Variants in TMCC1 observed in about 807,000 individuals in gnomAD.
The protein encoded by TMCC1 is transmembrane and coiled-coil domains protein 1.
A neutral mutation model predicts 52.4 loss-of-function variants in TMCC1; 15 were observed. The ratio of observed to expected loss-of-function variants is 0.29; its 90% CI spans 0.19 to 0.44. The LOEUF (loss-of-function observed/expected upper bound fraction) is 0.44, where lower values mean the gene tolerates loss of function less well. Among genes scored for constraint, TMCC1 ranks in the 20% least tolerant of loss-of-function variants. The pLI is 1.00. For missense variants in TMCC1, 503 were observed against 806.0 expected (o/e 0.62, Z 4.55); for synonymous variants, 279 against 301.9 (o/e 0.92, Z 0.79).
At chr3:129,662,230 CACTT>C (rs774325012) in intron 5 of TMCC1, among the ~76,000 whole-genome samples, 6 of 152,082 alleles carry the variant, frequency 3.9e-5, no homozygotes, top group Non-Finnish European at 7.3e-5. Context: ...AGTCATGCCT[CACTT>C]AATGATGGGG....
chr3:129,866,968 G>A (rs2060678530), intron 2 of TMCC1: 1 of 152,076 alleles, frequency 6.6e-6, no homozygotes, highest in African/African-American at 2.4e-5. Context: ...TTTTATAAAT[G>A]TTTATTCTCA....
intron 4 of TMCC1, among the ~76,000 whole-genome samples, chr3:129,739,338 T>C (rs1039692494): frequency 6.6e-5 from 10 of 152,236 alleles, no homozygotes; most frequent in Admixed American, 2.0e-4. Flanking sequence ...TGGCTAATTT[T>C]TGTATTTTCA....
At chr3:129,657,305 T>C (rs142552813) in intron 5 of TMCC1, among the ~76,000 whole-genome samples, 38 of 152,298 alleles carry the variant, frequency 2.5e-4, no homozygotes, top group Non-Finnish European at 5.0e-4. Flanking sequence ...GGCTCATACA[T>C]ACCAGTAGAA....
rs767317828 is a variant in TMCC1, at chr3:129,649,967, G to A, written c.*1514C>T. 1 of 152,568 alleles carries A rather than the reference G, an allele frequency of 6.6e-6. No individual in the cohort carries two copies. The highest frequency in any genetic ancestry group is 6.5e-5 in the Admixed American group (1 of 15,278). 9.5% of individuals were successfully genotyped at this position (152,568 alleles called of 1,614,324 possible). On this transcript the variant is annotated 3_prime_UTR_variant, in exon 7 of 7. Transcript: ENST00000393238. ...ATAATTAGGTTAGGTTAACAAGTCC[G>A]TTTACATTATAGGAAGCTGGCAACA...
Position 129,774,379 on chromosome 3 carries a change from T to A in TMCC1, c.576+53424A>T, listed in dbSNP as rs560895707. Among the ~76,000 whole-genome samples, 3 of 152,362 alleles carry A rather than the reference T, an allele frequency of 2.0e-5. No homozygotes were observed. In the South Asian group the frequency reaches 6.2e-4, roughly 32 times the overall value. ...TAAATTATCATACCTAAAAAAATGC[T>A]ATGAATATTCTATTAATATACTACC... On this transcript the variant is annotated intron_variant, in intron 4 of 6. Transcript: ENST00000393238.
intron 4 of TMCC1, among the ~76,000 whole-genome samples, chr3:129,741,066 T>C (rs531980713): frequency 3.9e-5 from 6 of 152,154 alleles, no homozygotes; most frequent in Non-Finnish European, 7.4e-5. Flanking sequence ...ATTGCTAGTA[T>C]CCTATTCCCT....
At chr3:129,754,973 G>C (rs2052866675) in intron 4 of TMCC1, among the ~76,000 whole-genome samples, 1 of 152,076 alleles carries the variant, frequency 6.6e-6, no homozygotes, top group African/African-American at 2.4e-5. Flanking sequence ...AGCTACTCGG[G>C]AGGCTGAGGC....
chr3:129,813,532 A>C (rs976528079), intron 4 of TMCC1, among the ~76,000 whole-genome samples: 1 of 152,142 alleles, frequency 6.6e-6, no homozygotes, highest in African/African-American at 2.4e-5. Flanking sequence ...TATCCTACAC[A>C]AACTAACACA....
intron 5 of TMCC1, among the ~76,000 whole-genome samples, chr3:129,663,707 T>C (rs1407750526): frequency 6.6e-6 from 1 of 152,016 alleles, no homozygotes; most frequent in Non-Finnish European, 1.5e-5. Flanking sequence ...AGGAAATAAA[T>C]AAAAACTAGA....
intron 4 of TMCC1, among the ~76,000 whole-genome samples, chr3:129,818,364 T>C (rs2058213079): frequency 6.6e-6 from 1 of 151,916 alleles, no homozygotes; most frequent in Admixed American, 6.6e-5. Flanking sequence ...TAAAGAACAG[T>C]TTCAAAGAAA....
intron 2 of TMCC1, among the ~76,000 whole-genome samples, chr3:129,858,758 T>C (rs1025700908): frequency 6.6e-6 from 1 of 152,168 alleles, no homozygotes; most frequent in Admixed American, 6.6e-5. Context: ...TGCAAGCATG[T>C]AGGAAGATCA....
At chr3:129,780,464 G>A (rs1309022631) in intron 4 of TMCC1, among the ~76,000 whole-genome samples, 2 of 151,846 alleles carry the variant, frequency 1.3e-5, no homozygotes, top group African/African-American at 4.8e-5. Flanking sequence ...CCACCCATCC[G>A]TTTTTCCACT....
At chr3:129,767,556 T>C (rs925494399) in intron 4 of TMCC1, among the ~76,000 whole-genome samples, 1 of 152,126 alleles carries the variant, frequency 6.6e-6, no homozygotes, top group Non-Finnish European at 1.5e-5. Flanking sequence ...AATTTTTTTG[T>C]AGAGACAGGA....
intron 1 of TMCC1, among the ~76,000 whole-genome samples, chr3:129,891,592 G>C (rs1355255106): frequency 6.6e-6 from 1 of 152,166 alleles, no homozygotes; most frequent in African/African-American, 2.4e-5. Context: ...ACTAACCACT[G>C]ATTTATATCA....
chr3:129,696,797 G>C (rs1189907872), intron 4 of TMCC1, among the ~76,000 whole-genome samples: 1 of 152,204 alleles, frequency 6.6e-6, no homozygotes, highest in Non-Finnish European at 1.5e-5. Flanking sequence ...CCCCATACAA[G>C]TCCAAAAATC....
At chr3:129,803,822 T>TA (rs950967744) in intron 4 of TMCC1, among the ~76,000 whole-genome samples, 1 of 151,894 alleles carries the variant, frequency 6.6e-6, no homozygotes, top group Middle Eastern at 3.2e-3. Flanking sequence ...TGTGTGTAAT[T>TA]AAAAAAAATA....
intron 4 of TMCC1, among the ~76,000 whole-genome samples, chr3:129,709,017 T>C (rs1267327023): frequency 6.6e-6 from 1 of 152,230 alleles, no homozygotes; most frequent in Admixed American, 6.5e-5. Context: ...CACTGGTCTT[T>C]ACTGGTAATA....
intron 4 of TMCC1, among the ~76,000 whole-genome samples, chr3:129,768,844 C>T (rs1162948802): frequency 6.6e-6 from 1 of 152,126 alleles, no homozygotes; most frequent in African/African-American, 2.4e-5. Context: ...CTTTTGAAAA[C>T]AGACAAAAAG....
chr3:129,684,251 C>T (rs1401604584), intron 4 of TMCC1, among the ~76,000 whole-genome samples: 2 of 152,166 alleles, frequency 1.3e-5, no homozygotes, highest in Non-Finnish European at 2.9e-5. Flanking sequence ...TCAATGCACA[C>T]CAGTGTTAAC....
Sources: gnomAD v4.1 joint callset for allele counts (sites outside exome capture counted in the v4.1 genomes callset) on GRCh38, gnomAD v4.1.1 for gene constraint, MANE v1.5 for transcripts, NCBI Gene and HGNC (gene_info 2026-07-23, HGNC 2026-07-21) for gene names.